The following ADAT1 variants were observed in gnomAD, a reference collection of about 807,000 sequenced individuals.
ADAT1 encodes the protein tRNA-specific adenosine deaminase 1.
Under a neutral mutation model 58.6 loss-of-function variants are expected in ADAT1, and 58 were observed. The ratio of observed to expected loss-of-function variants is 0.99; its 90% CI spans 0.80 to 1.23. ADAT1 has a LOEUF of 1.23. Among genes scored for constraint, ADAT1 ranks in the 50% most tolerant of loss-of-function variants. The pLI, the probability that ADAT1 is intolerant of heterozygous loss-of-function variation, is 0.00. For missense variants in ADAT1, 741 were observed against 608.6 expected (o/e 1.22, Z -2.29); for synonymous variants, 254 against 220.8 (o/e 1.15, Z -1.33).
rs1222907071 is a variant in ADAT1, at chr16:75,600,303, G to A, written c.1422C>T (p.Ser474=). 1.2e-6 allele frequency: 2 copies of A among 1,614,122 alleles called. No homozygotes were observed. The highest frequency in any genetic ancestry group is 1.7e-6 in the Non-Finnish European group (2 of 1,180,026). ...GTGTGCTCCAGGCTTCCTGGTAAGA[G>A]GACGCAGCCTCCTTGTACTCCTGGT... The part of the protein sequence containing the change: ...DTYQEYKEAA[S]SYQEAWSTLR... Residue 474 remains serine, a synonymous_variant, in exon 10 of 10, where the codon TCC becomes TCT. Transcript: ENST00000564657.
chr16:75,618,508 CCA>C lies in ADAT1; in HGVS notation c.293+76_293+77del, dbSNP rs1567484292. On this transcript the variant is annotated intron_variant, in intron 4 of 9. Transcript: ENST00000564657. Reference sequence around the variant, plus strand: ...GCAACAGAGCAAGACTCTGTCCCCCCCAAAAAAAAAAAAAAAAGTAAATTCCG... The same window carrying C: ...GCAACAGAGCAAGACTCTGTCCCCCCAAAAAAAAAAAAAAAGTAAATTCCG... 3.4e-3 allele frequency: 3,071 copies of C among 902,394 alleles called. 6 individuals are homozygous for C. The highest frequency in any genetic ancestry group is 0.022 in the East Asian group (585 of 26,932). The allele number at this position is 902,394 out of a possible 1,614,324, so 55.9% of individuals were successfully genotyped here.
intron 8 of ADAT1, among the ~76,000 whole-genome samples, chr16:75,606,536 G>GCCTCTCC (rs1278900523): frequency 6.6e-6 from 1 of 152,190 alleles, no homozygotes; most frequent in African/African-American, 2.4e-5. Context: ...GCCTTGTGGA[G>GCCTCTCC]AGGTCCTTGT....
At chr16:75,608,459 G>T in intron 7 of ADAT1, 136 bp from the exon 8 acceptor site, 1 of 718,380 alleles carries the variant, frequency 1.4e-6, no homozygotes, top group Non-Finnish European at 2.3e-6. Context: ...GACTGCTATT[G>T]GATGCTTGGC....
At chr16:75,613,395 G>A (rs562377058) in intron 5 of ADAT1, among the ~76,000 whole-genome samples, 41 of 152,236 alleles carry the variant, frequency 2.7e-4, no homozygotes, top group African/African-American at 9.9e-4. Context: ...TCTACCTCCT[G>A]GGTTCAAGTC....
chr16:75,608,759 A>G (rs1182766930), intron 7 of ADAT1, 84 bp downstream of exon 7: 2 of 1,515,974 alleles, frequency 1.3e-6, no homozygotes, highest in Middle Eastern at 2.4e-4. Flanking sequence ...CTACCTTCCT[A>G]GGCTGGGAGG....
At position 75,612,719 on chromosome 16, in the gene ADAT1, A is replaced by G; in HGVS notation, c.567T>C (p.Pro189=). The change falls in exon 6 of 10, where the codon CCT becomes CCC. Residue 189 remains proline (P), a synonymous_variant. Transcript: ENST00000564657. ...TCATCTTTTTGGTTACAGGACTGTC[A>G]GGGTCTTCACATTTTCTTTCATTTC... The part of the protein sequence containing the change: ...APGNERKCED[P]DSPVTKKMRL... 1 of 1,614,106 alleles carries G rather than the reference A, an allele frequency of 6.2e-7. No homozygotes were observed. Among genetic ancestry groups the G allele is most frequent in the Non-Finnish European group, 8.5e-7 (1 of 1,180,030 alleles).
At chr16:75,622,233 G>C (rs1021232324) in intron 1 of ADAT1, among the ~76,000 whole-genome samples, 170 bp downstream of exon 1, 2 of 152,178 alleles carry the variant, frequency 1.3e-5, no homozygotes, top group African/African-American at 4.8e-5. Context: ...GCAGCGCAAC[G>C]TGCAGGCTCG....
intron 4 of ADAT1, among the ~76,000 whole-genome samples, chr16:75,617,644 T>C (rs1567483091): frequency 6.6e-6 from 1 of 151,656 alleles, no homozygotes; most frequent in Non-Finnish European, 1.5e-5. Context: ...TGTTTCTTTT[T>C]TTTTTTTTAG....
At chr16:75,619,831 G>C in intron 3 of ADAT1, 1 of 317,892 alleles carries the variant, frequency 3.1e-6, no homozygotes, top group Non-Finnish European at 6.2e-6. Flanking sequence ...GGAGGTTGCA[G>C]AGCAGTGAAT....
At chr16:75,606,053 G>GA (rs1213772511) in intron 8 of ADAT1, among the ~76,000 whole-genome samples, 1 of 43,422 alleles carries the variant, frequency 2.3e-5, no homozygotes, top group African/African-American at 9.2e-5. Context: ...TTAGAGATTG[G>GA]GGGGGGGGTC....
chr16:75,613,017 T>A (rs1355730789), intron 5 of ADAT1, among the ~76,000 whole-genome samples, 156 bp from the exon 6 acceptor site: 1 of 152,190 alleles, frequency 6.6e-6, no homozygotes, highest in African/African-American at 2.4e-5. Flanking sequence ...CCCAGCAGTG[T>A]GTTTTTAACA....
chr16:75,618,299 G>C (rs191292563), intron 4 of ADAT1, among the ~76,000 whole-genome samples: 1 of 151,982 alleles, frequency 6.6e-6, no homozygotes, highest in African/African-American at 2.4e-5. Context: ...GAGGTCAGGA[G>C]TTTAAAACCA....
chr16:75,604,456 A>AAAAAAAAATATAT (rs1555508674), intron 8 of ADAT1, among the ~76,000 whole-genome samples: 1 of 48,784 alleles, frequency 2.0e-5, no homozygotes, highest in African/African-American at 1.4e-4. Context: ...AAAAAAAAAA[A>AAAAAAAAATATAT]ATATATATAT....
At chr16:75,620,500 T>G in intron 2 of ADAT1, 131 bp downstream of exon 2, 2 of 1,411,424 alleles carry the variant, frequency 1.4e-6, no homozygotes, top group Non-Finnish European at 2.0e-6. Context: ...CTGCGTCACC[T>G]AGCAGAGGAC....
At chr16:75,619,208 C>A (rs954713129) in intron 3 of ADAT1, among the ~76,000 whole-genome samples, 1 of 152,062 alleles carries the variant, frequency 6.6e-6, no homozygotes, top group African/African-American at 2.4e-5. Context: ...GAGGAACCTG[C>A]TAGCTAGAAG....
At chr16:75,608,454 C>T (rs1247831599) in intron 7 of ADAT1, 131 bp from the exon 8 acceptor site, 1 of 737,902 alleles carries the variant, frequency 1.4e-6, no homozygotes, top group Admixed American at 2.6e-5. Flanking sequence ...ACAATGACTG[C>T]TATTGGATGC....
chr16:75,604,510 CACACACACAT>C lies in ADAT1; in HGVS notation c.1290-1349_1290-1340del, dbSNP rs1279607732. The stretch of plus-strand genomic sequence containing the variant: ...ACACACACACACACACACACACACA[CACACACACAT>C]ATATACATATATATAATTATGGGGA... On this transcript the variant is annotated intron_variant, in intron 8 of 9. Transcript: ENST00000564657. Among the ~76,000 whole-genome samples the C allele has an allele frequency of 7.9e-3, 1,058 of 133,840 alleles. 37 individuals carry two copies. The highest frequency in any genetic ancestry group is 0.028 in the African/African-American group (977 of 34,566). 87.8% of individuals were successfully genotyped at this position (133,840 alleles called of 152,430 possible). A position where few individuals can be genotyped will look rare whatever the true frequency, so the allele number is the denominator to read the frequency against.
At chr16:75,610,711 T>G (rs2081505643) in intron 6 of ADAT1, among the ~76,000 whole-genome samples, 1 of 152,216 alleles carries the variant, frequency 6.6e-6, no homozygotes, top group Non-Finnish European at 1.5e-5. Context: ...GCCCTGGCCA[T>G]GGCTTTGCCC....
Position 75,618,576 on chromosome 16 carries a change from G to A in ADAT1, c.293+10C>T. ...TCCTGCTGAACCATACTCTGGAGAT[G>A]TGGCTTTACCTTTGGAAACTCCTTC... On this transcript the variant is annotated intron_variant, in intron 4 of 9. Transcript: ENST00000564657. The A allele has an allele frequency of 6.3e-7, 1 of 1,575,304 alleles. No homozygotes were observed. Among genetic ancestry groups the A allele is most frequent in the Non-Finnish European group, 8.6e-7 (1 of 1,157,662 alleles).
Sources: allele counts gnomAD v4.1 joint callset (sites outside exome capture counted in the v4.1 genomes callset), GRCh38; gene constraint gnomAD v4.1.1; transcripts MANE v1.5; gene names NCBI Gene and HGNC (gene_info 2026-07-23, HGNC 2026-07-21).